DCHS2: variants seen among roughly 807,000 people sequenced by gnomAD.
DCHS2 encodes the protein protocadherin-23.
A neutral mutation model predicts 182.4 loss-of-function variants in DCHS2; 142 were observed. The ratio of observed to expected loss-of-function variants is 0.78; its 90% CI spans 0.68 to 0.89. DCHS2 has a LOEUF of 0.89. Among genes scored for constraint, DCHS2 ranks in the 40% least tolerant of loss-of-function variants. DCHS2 has a pLI of 0.00. For synonymous variants in DCHS2, 1,740 were observed against 1,663.3 expected, an observed-to-expected ratio of 1.05 and a Z score of -1.12; for missense variants, 4,319 against 4,198.6, an observed-to-expected ratio of 1.03 and a Z score of -0.79.
chr4:154,444,641 C>G (rs1430974046), intron 1 of DCHS2, among the ~76,000 whole-genome samples: 2 of 152,178 alleles, frequency 1.3e-5, no homozygotes, highest in African/African-American at 4.8e-5. Context: ...CCCAGCACCA[C>G]CCTCACAACA....
At chr4:154,412,697 A>G (rs1364300738) in intron 1 of DCHS2, among the ~76,000 whole-genome samples, 1 of 152,228 alleles carries the variant, frequency 6.6e-6, no homozygotes, top group Non-Finnish European at 1.5e-5. Flanking sequence ...TAAGCTTTTC[A>G]TACGTTCTTC....
intron 1 of DCHS2, among the ~76,000 whole-genome samples, chr4:154,398,212 T>C (rs1188118851): frequency 6.6e-6 from 1 of 152,198 alleles, no homozygotes; most frequent in African/African-American, 2.4e-5. Context: ...TTAATTTCAT[T>C]CAAATCAAGA....
chr4:154,317,082 A>G (rs962730841), intron 9 of DCHS2, among the ~76,000 whole-genome samples: 6 of 152,236 alleles, frequency 3.9e-5, no homozygotes, highest in African/African-American at 1.2e-4. Context: ...AGCCATAGCC[A>G]CAAAAAACTC....
chr4:154,269,828 C>T, intron 14 of DCHS2, 72 bp downstream of exon 14: 3 of 1,553,202 alleles, frequency 1.9e-6, no homozygotes, highest in Non-Finnish European at 1.7e-6. Flanking sequence ...ACAATTTCTA[C>T]TTTGCAAATT....
rs1343829757 is a variant in DCHS2, at chr4:154,255,580, C to A, written c.6880G>T (p.Ala2294Ser). Reference sequence around the variant, plus strand: ...TTTGTTGTTATCACACCACTCAGTGCATCAATCTGGAATGCTTCTTCTTGG... The same window carrying A: ...TTTGTTGTTATCACACCACTCAGTGAATCAATCTGGAATGCTTCTTCTTGG... ...GNQEEAFQIDALSGVITTKAI... is the reference protein window; with the variant it reads ...GNQEEAFQIDSLSGVITTKAI... The change falls in exon 16 of 20, where the codon GCA (alanine) becomes TCA (serine). Residue 2294 changes from alanine (A) to serine (S), a missense_variant. Physicochemically the swap from Ala to Ser is moderately conservative, Grantham distance 99. Transcript: ENST00000357232. The A allele has an allele frequency of 9.3e-6, 15 of 1,614,040 alleles. No individual in the cohort carries two copies. Among genetic ancestry groups the A allele is most frequent in the Non-Finnish European group, 1.2e-5 (14 of 1,179,972 alleles).
intron 2 of DCHS2, among the ~76,000 whole-genome samples, chr4:154,376,551 C>A (rs1730907566): frequency 6.6e-6 from 1 of 152,064 alleles, no homozygotes; most frequent in Non-Finnish European, 1.5e-5. Flanking sequence ...GTTGTGAGAA[C>A]ATTTTCCTTA....
intron 11 of DCHS2, 88 bp from the exon 12 acceptor site, chr4:154,304,966 C>T (rs1735385609): frequency 2.6e-6 from 4 of 1,509,890 alleles, no homozygotes; most frequent in Non-Finnish European, 3.5e-6. Flanking sequence ...TCAGGCTAAC[C>T]AGGTAGCACT....
At position 154,482,475 on chromosome 4, in the gene DCHS2, T is replaced by A. The variant is rs373040884; in HGVS notation, c.2052+6829A>T. On this transcript the variant is annotated intron_variant, in intron 1 of 19. Transcript: ENST00000357232. ...AGATAGCAGCACAGGTTTCCAGAAC[T>A]CTTCTTTGAGTAGGAAAGACTTGGG... Among the ~76,000 whole-genome samples, 5 of 152,158 alleles carry A rather than the reference T, an allele frequency of 3.3e-5. No homozygotes were observed. The East Asian group carries it at 5.8e-4, about 18-fold the overall frequency.
intron 9 of DCHS2, among the ~76,000 whole-genome samples, chr4:154,316,532 C>T (rs1735861246): frequency 6.6e-6 from 1 of 152,126 alleles, no homozygotes; most frequent in Non-Finnish European, 1.5e-5. Flanking sequence ...CTTGTAATCC[C>T]AGCACTTTGG....
At chr4:154,408,165 C>T (rs555808107) in intron 1 of DCHS2, among the ~76,000 whole-genome samples, 1 of 152,240 alleles carries the variant, frequency 6.6e-6, no homozygotes, top group South Asian at 2.1e-4. Flanking sequence ...ACCTATGTTC[C>T]AGAATTTTAG....
At position 154,444,097 on chromosome 4, in the gene DCHS2, C is replaced by T. The variant is rs182745700; in HGVS notation, c.2052+45207G>A. 3.0e-3 allele frequency among the ~76,000 whole-genome samples: 453 copies of T among 152,214 alleles called. 2 individuals carry two copies. Among genetic ancestry groups the T allele is most frequent in the Non-Finnish European group, 4.0e-3 (270 of 68,022 alleles). On this transcript the variant is annotated intron_variant, in intron 1 of 19. Coordinates refer to ENST00000357232, the MANE Select transcript of DCHS2 (RefSeq NM_001358235.2). ...GTTTTGGGATGGACTTCTGCATGGC[C>T]CAGCCCATGGGCCTCTTTCCTATTT...
At chr4:154,418,032 T>C (rs1224835849) in intron 1 of DCHS2, among the ~76,000 whole-genome samples, 2 of 152,238 alleles carry the variant, frequency 1.3e-5, no homozygotes, top group Non-Finnish European at 2.9e-5. Context: ...CTACCCATTC[T>C]TAGTTTGGAA....
chr4:154,391,728 A>C (rs1731716030), intron 1 of DCHS2, among the ~76,000 whole-genome samples: 1 of 152,192 alleles, frequency 6.6e-6, no homozygotes, highest in South Asian at 2.1e-4. Context: ...TGTTCCCAGC[A>C]GAGGAAGAAA....
At chr4:154,274,085 A>G (rs4235242) in intron 13 of DCHS2, among the ~76,000 whole-genome samples, 132,507 of 152,176 alleles carry the variant, frequency 0.87, 58,296 homozygotes, top group East Asian at 0.97. Context: ...ACAAATGTAG[A>G]GGTCAAATGG....
Position 154,320,870 on chromosome 4 carries a change from A to G in DCHS2, c.4529T>C (p.Phe1510Ser), listed in dbSNP as rs1736033257. 1 of 1,614,080 alleles carries G rather than the reference A, an allele frequency of 6.2e-7. No homozygotes were observed. Residue 1510 changes from phenylalanine to serine, a missense_variant, in exon 9 of 20, where the codon TTC becomes TCC. Physicochemically the swap from Phe to Ser is radical, Grantham distance 155 (BLOSUM62 -2). Transcript: ENST00000357232. ...VEDQNDHSPS[F>S]QDELIVISVE... ...ACTGATCACAATGAGCTCATCCTGG[A>G]AAGATGGGGAATGGTCATTCTGATC... is the stretch of plus-strand genomic sequence containing the variant.
intron 10 of DCHS2, among the ~76,000 whole-genome samples, chr4:154,309,953 A>G (rs1735606759): frequency 6.6e-6 from 1 of 152,230 alleles, no homozygotes; most frequent in Admixed American, 6.5e-5. Context: ...CTGAGGCTTT[A>G]AACCTGTAAC....
intron 1 of DCHS2, among the ~76,000 whole-genome samples, chr4:154,438,247 G>A (rs1733862697): frequency 6.6e-6 from 1 of 152,098 alleles, no homozygotes; most frequent in Non-Finnish European, 1.5e-5. Flanking sequence ...GGCTGAGTCT[G>A]GCCCATTTTG....
intron 1 of DCHS2, among the ~76,000 whole-genome samples, chr4:154,408,810 T>A (rs1732504889): frequency 6.6e-6 from 1 of 152,086 alleles, no homozygotes; most frequent in Admixed American, 6.5e-5. Context: ...TACTTTTTTT[T>A]GCGGAGAAAA....
At position 154,489,820 on chromosome 4, in the gene DCHS2, C is replaced by T; in HGVS notation, c.1536G>A (p.Thr512=). The T allele has an allele frequency of 1.9e-6, 3 of 1,551,426 alleles. No individual in the cohort carries two copies. Among genetic ancestry groups the T allele is most frequent in the Non-Finnish European group, 2.6e-6 (3 of 1,146,880 alleles). ...TGCTCAGCGGCGGGGACCCCGCGTC[C>T]GTGGCCACCAGTAGTAACTCATACA... The part of the protein sequence containing the change: ...RDLYELLLVA[T]DAGSPPLSTE... The change falls in exon 1 of 20, where the codon ACG becomes ACA. Residue 512 remains threonine (T), a synonymous_variant. Transcript: ENST00000357232.
Sources: gnomAD v4.1 joint callset for allele counts (sites outside exome capture counted in the v4.1 genomes callset) on GRCh38, gnomAD v4.1.1 for gene constraint, MANE v1.5 for transcripts, NCBI Gene and HGNC (gene_info 2026-07-23, HGNC 2026-07-21) for gene names.